PACRG: variants seen among roughly 807,000 people sequenced by gnomAD.
The protein encoded by PACRG is parkin coregulated, also known as parkin coregulated gene protein.
PACRG carries 29 observed loss-of-function variants against 29.7 expected under a neutral mutation model. The observed-to-expected ratio is 0.98, with a 90% CI of 0.73 to 1.33. The LOEUF (loss-of-function observed/expected upper bound fraction) is 1.33. PACRG is among the 40% of genes most tolerant of loss of function. PACRG has a pLI of 0.00. For missense variants in PACRG, 279 were observed against 316.2 expected (o/e 0.88, Z 0.89); for synonymous variants, 116 against 118.7 (o/e 0.98, Z 0.15).
At chr6:163,154,884 A>C (rs1263509389) in intron 4 of PACRG, among the ~76,000 whole-genome samples, 1 of 152,124 alleles carries the variant, frequency 6.6e-6, no homozygotes, top group Non-Finnish European at 1.5e-5. Context: ...CACATCAACA[A>C]AACAAGCCCA....
At chr6:162,825,238 T>A (rs1047639658) in intron 2 of PACRG, among the ~76,000 whole-genome samples, 1 of 152,142 alleles carries the variant, frequency 6.6e-6, no homozygotes, top group Non-Finnish European at 1.5e-5. Flanking sequence ...TTGAAAAAAA[T>A]TATGTTTTTA....
intron 2 of PACRG, among the ~76,000 whole-genome samples, chr6:162,823,164 T>C (rs2128379189): frequency 6.6e-6 from 1 of 152,306 alleles, no homozygotes; most frequent in Admixed American, 6.5e-5. Context: ...TTTATTCCTT[T>C]AATGTCAATG....
At chr6:163,193,004 CT>C (rs1165263659) in intron 4 of PACRG, among the ~76,000 whole-genome samples, 1 of 152,150 alleles carries the variant, frequency 6.6e-6, no homozygotes, top group South Asian at 2.1e-4. Context: ...AGATAAAAGC[CT>C]TTTTTAAACC....
intron 3 of PACRG, among the ~76,000 whole-genome samples, chr6:163,076,123 G>A (rs73785724): frequency 0.022 from 3,366 of 152,258 alleles, 129 homozygotes; most frequent in African/African-American, 0.074. Context: ...GGATTCTGTT[G>A]TCTTCCTGTG....
intron 2 of PACRG, among the ~76,000 whole-genome samples, chr6:162,989,154 G>A (rs4293978): frequency 0.35 from 53,483 of 151,724 alleles, 10,209 homozygotes; most frequent in East Asian, 0.68. Context: ...TGTTCTCATA[G>A]ACATAAGCAT....
chr6:163,151,446 T>C (rs1036889052), intron 4 of PACRG, among the ~76,000 whole-genome samples: 1 of 152,176 alleles, frequency 6.6e-6, no homozygotes, highest in Non-Finnish European at 1.5e-5. Flanking sequence ...AGGCTTTTGT[T>C]CCAGTCCTGA....
At chr6:163,018,881 A>C (rs1288465057) in intron 2 of PACRG, among the ~76,000 whole-genome samples, 1 of 152,042 alleles carries the variant, frequency 6.6e-6, no homozygotes, top group African/African-American at 2.4e-5. Context: ...TCTCTAAAAC[A>C]CTTCATCACT....
chr6:162,966,638 G>A (rs566090593), intron 2 of PACRG, among the ~76,000 whole-genome samples: 95 of 151,986 alleles, frequency 6.3e-4, no homozygotes, highest in African/African-American at 2.2e-3. Flanking sequence ...CACCATGCCC[G>A]GCTAATTTTT....
At chr6:163,149,779 C>G (rs1777999425) in intron 4 of PACRG, among the ~76,000 whole-genome samples, 1 of 152,174 alleles carries the variant, frequency 6.6e-6, no homozygotes, top group African/African-American at 2.4e-5. Context: ...GGATCGGATC[C>G]CCGGTGCAGG....
intron 2 of PACRG, among the ~76,000 whole-genome samples, chr6:162,869,514 G>A (rs577629481): frequency 1.3e-5 from 2 of 152,240 alleles, no homozygotes; most frequent in East Asian, 3.9e-4. Flanking sequence ...GTAGGCAAGG[G>A]ACTAATGAAT....
chr6:162,830,859 T>A (rs1344360307), intron 2 of PACRG, among the ~76,000 whole-genome samples: 1 of 152,196 alleles, frequency 6.6e-6, no homozygotes, highest in Non-Finnish European at 1.5e-5. Flanking sequence ...GCTGGAACCT[T>A]CTTACTTTTC....
chr6:162,754,737 T>G (rs2128283454), intron 1 of PACRG, among the ~76,000 whole-genome samples: 1 of 152,332 alleles, frequency 6.6e-6, no homozygotes, highest in South Asian at 2.1e-4. Flanking sequence ...TTTTCCCCAT[T>G]GTGTGTTCTT....
chr6:163,263,294 A>G (rs181785698), intron 4 of PACRG, among the ~76,000 whole-genome samples: 33 of 151,964 alleles, frequency 2.2e-4, no homozygotes, highest in Non-Finnish European at 3.8e-4. Flanking sequence ...TGAACAGGCT[A>G]ACTGACCTGC....
At chr6:163,203,902 G>C (rs1165982822) in intron 4 of PACRG, among the ~76,000 whole-genome samples, 4 of 152,210 alleles carry the variant, frequency 2.6e-5, no homozygotes, top group Admixed American at 6.5e-5. Flanking sequence ...AATCATATTG[G>C]GGTATAGTTG....
At chr6:162,791,311 G>GTT (rs60664405) in intron 1 of PACRG, among the ~76,000 whole-genome samples, 20,746 of 128,646 alleles carry the variant, frequency 0.16, 1,969 homozygotes, top group East Asian at 0.32. Flanking sequence ...TTGTTTGTTT[G>GTT]TTTTTTTTTT....
chr6:163,293,485 C>G (rs551268936), intron 4 of PACRG, among the ~76,000 whole-genome samples: 17 of 152,340 alleles, frequency 1.1e-4, no homozygotes, highest in African/African-American at 4.1e-4. Context: ...AACCACAAGG[C>G]AGCTGTCCCA....
At chr6:163,162,053 G>A (rs1778577619) in intron 4 of PACRG, among the ~76,000 whole-genome samples, 1 of 152,194 alleles carries the variant, frequency 6.6e-6, no homozygotes, top group South Asian at 2.1e-4. Context: ...GAACTGCATG[G>A]GGAGAAAACA....
intron 4 of PACRG, among the ~76,000 whole-genome samples, chr6:163,113,021 C>G (rs1260060775): frequency 2.6e-5 from 4 of 151,812 alleles, no homozygotes; most frequent in African/African-American, 4.8e-5. Flanking sequence ...AATGTATGAA[C>G]AAAATGAAGA....
intron 4 of PACRG, among the ~76,000 whole-genome samples, chr6:163,207,720 T>G (rs1370946938): frequency 2.0e-5 from 3 of 152,140 alleles, no homozygotes; most frequent in African/African-American, 7.2e-5. Flanking sequence ...AATATTAGAT[T>G]AAAATGCAAG....
Sources: allele counts gnomAD v4.1 joint callset (sites outside exome capture counted in the v4.1 genomes callset), GRCh38; gene constraint gnomAD v4.1.1; transcripts MANE v1.5; gene names NCBI Gene and HGNC (gene_info 2026-07-23, HGNC 2026-07-21).